The following SBF2 variants were observed in gnomAD, a reference collection of about 807,000 sequenced individuals.
The protein encoded by SBF2 is myotubularin-related protein 13.
A neutral mutation model predicts 225.2 loss-of-function variants in SBF2; 112 were observed. The observed-to-expected ratio is 0.50, with a 90% confidence interval of 0.43 to 0.58. The LOEUF (loss-of-function observed/expected upper bound fraction) is 0.58, where lower values mean the gene tolerates loss of function less well. Ranked by LOEUF, SBF2 falls within the 20% of genes least tolerant of loss-of-function variation. The pLI is 0.00. For missense variants in SBF2, 1,996 were observed against 2,206.2 expected (o/e 0.90, Z 1.91); for synonymous variants, 763 against 773.3 (o/e 0.99, Z 0.22).
intron 2 of SBF2, among the ~76,000 whole-genome samples, chr11:10,121,635 A>G (rs1244955101): frequency 6.6e-6 from 1 of 152,236 alleles, no homozygotes; most frequent in Non-Finnish European, 1.5e-5. Flanking sequence ...AGAAACAAAA[A>G]CAACCAACAT....
At chr11:10,236,075 C>G (rs776091437) in intron 1 of SBF2, among the ~76,000 whole-genome samples, 7 of 151,802 alleles carry the variant, frequency 4.6e-5, no homozygotes, top group Admixed American at 2.0e-4. Context: ...TGTCTCAAAA[C>G]AAAACAAAAC....
At chr11:9,998,126 T>G (rs886839241) in intron 9 of SBF2, 140 bp downstream of exon 9, 16 of 628,314 alleles carry the variant, frequency 2.5e-5, no homozygotes, top group Non-Finnish European at 3.1e-5. Context: ...AAATACTGTA[T>G]GAGATTATGT....
At chr11:10,133,074 A>G (rs1009280373) in intron 2 of SBF2, among the ~76,000 whole-genome samples, 1 of 147,784 alleles carries the variant, frequency 6.8e-6, no homozygotes, top group Non-Finnish European at 1.5e-5. Context: ...TGAGCTAGAC[A>G]TAAAGGTTCT....
At chr11:10,108,000 G>C (rs1030798103) in intron 2 of SBF2, among the ~76,000 whole-genome samples, 2 of 152,144 alleles carry the variant, frequency 1.3e-5, no homozygotes, top group African/African-American at 4.8e-5. Flanking sequence ...CTTCTAAGGT[G>C]ATAGATATAT....
chr11:9,947,736 A>G lies in SBF2; in HGVS notation c.1860+14221T>C, dbSNP rs187909945. Among the ~76,000 whole-genome samples, 10 of 152,270 alleles carry G rather than the reference A, an allele frequency of 6.6e-5. No homozygotes were observed. The East Asian group carries it at 1.7e-3, about 26-fold the overall frequency. ...TTAGGGAGATGCAAATCAAAACCAC[A>G]ATGTGATATCCGGTTCACATACATT... On this transcript the variant is annotated intron_variant, in intron 16 of 39. Coordinates refer to ENST00000256190, the MANE Select transcript of SBF2 (RefSeq NM_030962.4).
intron 2 of SBF2, among the ~76,000 whole-genome samples, chr11:10,052,055 C>T (rs181733460): frequency 1.3e-5 from 2 of 152,002 alleles, no homozygotes; most frequent in East Asian, 1.9e-4. Flanking sequence ...GTTTAGACAG[C>T]TGGAGAGTAG....
At chr11:10,132,708 A>C (rs1954123720) in intron 2 of SBF2, among the ~76,000 whole-genome samples, 1 of 148,632 alleles carries the variant, frequency 6.7e-6, no homozygotes, top group Non-Finnish European at 1.5e-5. Context: ...AAGCTTCCAC[A>C]GTGTGGAAGG....
intron 2 of SBF2, among the ~76,000 whole-genome samples, chr11:10,184,459 G>C (rs1390930512): frequency 6.6e-6 from 1 of 152,134 alleles, no homozygotes; most frequent in African/African-American, 2.4e-5. Context: ...GTTAACTACA[G>C]TAAAATATAT....
rs74978078 is a variant in SBF2, at chr11:9,946,866, G to A, written c.1860+15091C>T. On this transcript the variant is annotated intron_variant, in intron 16 of 39. Transcript: ENST00000256190. ...GCAAAAGCAATTATCCAGAATATTT[G>A]GAAATTACTGTGAGTCTTTTCTATA... is the stretch of plus-strand genomic sequence containing the variant. Among the ~76,000 whole-genome samples the A allele has an allele frequency of 5.6e-4, 86 of 152,230 alleles. No individual in the cohort carries two copies. In the Middle Eastern group the frequency reaches 0.017, roughly 30 times the overall value.
chr11:9,800,407 AATT>A (rs1853418316), intron 32 of SBF2, among the ~76,000 whole-genome samples: 1 of 151,436 alleles, frequency 6.6e-6, no homozygotes, highest in African/African-American at 2.4e-5. Flanking sequence ...TATTTATTTA[AATT>A]ATTATTATTT....
intron 16 of SBF2, among the ~76,000 whole-genome samples, chr11:9,934,035 T>C (rs922393980): frequency 2.0e-5 from 3 of 151,980 alleles, no homozygotes; most frequent in Admixed American, 2.0e-4. Flanking sequence ...TGAGCTGAGA[T>C]TGTGCCATGG....
intron 2 of SBF2, among the ~76,000 whole-genome samples, chr11:10,104,941 C>T (rs757044254): frequency 3.9e-5 from 6 of 152,100 alleles, no homozygotes; most frequent in African/African-American, 9.7e-5. Context: ...GAATAAAGTC[C>T]ACTTGGTCAC....
chr11:10,057,472 A>G (rs984610174), intron 2 of SBF2, among the ~76,000 whole-genome samples: 1 of 152,066 alleles, frequency 6.6e-6, no homozygotes, highest in Non-Finnish European at 1.5e-5. Flanking sequence ...CAAACCCCCC[A>G]TATCTTGTCA....
At chr11:10,196,804 G>T (rs527294977) in intron 1 of SBF2, among the ~76,000 whole-genome samples, 1 of 138,824 alleles carries the variant, frequency 7.2e-6, no homozygotes, top group East Asian at 2.1e-4. Context: ...TTAACATTTT[G>T]GACTATCCAT....
chr11:10,065,669 T>C (rs1189361279), intron 2 of SBF2, among the ~76,000 whole-genome samples: 1 of 152,124 alleles, frequency 6.6e-6, no homozygotes, highest in African/African-American at 2.4e-5. Context: ...CACAAACTAC[T>C]GGCCAGGCAC....
chr11:9,877,595 G>T (rs1859370534), intron 17 of SBF2, among the ~76,000 whole-genome samples: 1 of 151,902 alleles, frequency 6.6e-6, no homozygotes, highest in African/African-American at 2.4e-5. Context: ...CCTGCCCTGT[G>T]TCCAAGTGTT....
intron 16 of SBF2, among the ~76,000 whole-genome samples, chr11:9,952,441 CT>C (rs1304916686): frequency 2.0e-5 from 3 of 152,100 alleles, no homozygotes; most frequent in Non-Finnish European, 2.9e-5. Context: ...GCAGAGATAC[CT>C]GATGTTACTA....
intron 1 of SBF2, among the ~76,000 whole-genome samples, chr11:10,237,677 T>C (rs933618511): frequency 2.6e-4 from 40 of 152,232 alleles, no homozygotes; most frequent in Non-Finnish European, 2.4e-4. Flanking sequence ...GTATATACAC[T>C]GGTGAAACCA....
intron 13 of SBF2, among the ~76,000 whole-genome samples, chr11:9,972,302 T>C (rs1227448852): frequency 2.0e-5 from 3 of 152,148 alleles, no homozygotes; most frequent in Non-Finnish European, 4.4e-5. Context: ...CTAAAGGCTG[T>C]TTTCCAAAAA....
Sources: gnomAD v4.1 joint callset for allele counts (sites outside exome capture counted in the v4.1 genomes callset) on GRCh38, gnomAD v4.1.1 for gene constraint, MANE v1.5 for transcripts, NCBI Gene and HGNC (gene_info 2026-07-23, HGNC 2026-07-21) for gene names.